HDAC9: variants seen among roughly 807,000 people sequenced by gnomAD.
HDAC9 encodes the protein histone deacetylase 9.
A neutral mutation model predicts 139.4 loss-of-function variants in HDAC9; 41 were observed. The observed-to-expected ratio is 0.29, with a 90% CI of 0.23 to 0.38. HDAC9 has a LOEUF of 0.38. Ranked by LOEUF, HDAC9 falls within the 10% of genes least tolerant of loss-of-function variation. HDAC9 has a pLI of 1.00. For synonymous variants in HDAC9, 517 were observed against 476.2 expected, an observed-to-expected ratio of 1.09 and a Z score of -1.12; for missense variants, 1,147 against 1,297.0, an observed-to-expected ratio of 0.88 and a Z score of 1.78.
At chr7:18,475,131 G>C (rs188735625) in intron 1 of HDAC9, among the ~76,000 whole-genome samples, 1 of 152,166 alleles carries the variant, frequency 6.6e-6, no homozygotes, top group Non-Finnish European at 1.5e-5. Context: ...AACAGAGCTC[G>C]GAAGGATCTT....
intron 1 of HDAC9, among the ~76,000 whole-genome samples, chr7:18,093,244 C>T (rs553857860): frequency 6.6e-6 from 1 of 152,186 alleles, no homozygotes; most frequent in African/African-American, 2.4e-5. Context: ...AGGCTAAATA[C>T]TTTGCCAAGG....
intron 21 of HDAC9, among the ~76,000 whole-genome samples, chr7:18,854,703 A>G (rs1001835139): frequency 6.6e-6 from 1 of 152,150 alleles, no homozygotes; most frequent in Admixed American, 6.6e-5. Context: ...AAAAAGTCTA[A>G]TAGAAGAGTA....
chr7:18,783,893 A>G (rs557672205), intron 16 of HDAC9, among the ~76,000 whole-genome samples: 1 of 152,146 alleles, frequency 6.6e-6, no homozygotes, highest in African/African-American at 2.4e-5. Flanking sequence ...ATACCATGCT[A>G]TCATTTCCTT....
At chr7:18,258,389 T>C (rs1584885765) in intron 2 of HDAC9, among the ~76,000 whole-genome samples, 2 of 152,310 alleles carry the variant, frequency 1.3e-5, no homozygotes, top group East Asian at 3.9e-4. Flanking sequence ...AAACGAATAC[T>C]GTTCTTTAGT....
At chr7:18,237,904 G>A (rs895742469) in intron 2 of HDAC9, among the ~76,000 whole-genome samples, 2 of 152,184 alleles carry the variant, frequency 1.3e-5, no homozygotes, top group African/African-American at 4.8e-5. Flanking sequence ...TCAGTAGGTA[G>A]GTGATCATCA....
chr7:18,317,750 T>G (rs1214759067), intron 1 of HDAC9, among the ~76,000 whole-genome samples: 1 of 152,150 alleles, frequency 6.6e-6, no homozygotes, highest in African/African-American at 2.4e-5. Context: ...CTTTCTACTT[T>G]GGGGAAAATC....
intron 2 of HDAC9, among the ~76,000 whole-genome samples, chr7:18,561,717 T>C (rs1268781370): frequency 1.3e-5 from 2 of 152,228 alleles, no homozygotes; most frequent in African/African-American, 4.8e-5. Context: ...CGCTTCTGAC[T>C]GCCTTCCTTT....
intron 9 of HDAC9, among the ~76,000 whole-genome samples, chr7:18,647,158 T>C (rs1482770754): frequency 6.6e-6 from 1 of 152,154 alleles, no homozygotes; most frequent in Non-Finnish European, 1.5e-5. Flanking sequence ...CATGATATAG[T>C]CTTTGAATAA....
intron 1 of HDAC9, among the ~76,000 whole-genome samples, chr7:18,421,396 G>A (rs948672193): frequency 2.0e-5 from 3 of 149,776 alleles, no homozygotes; most frequent in African/African-American, 4.9e-5. Flanking sequence ...AGAAAGGGAG[G>A]GAGGGAAGAA....
chr7:18,991,544 G>C (rs1785961689), intron 25 of HDAC9, among the ~76,000 whole-genome samples: 1 of 152,234 alleles, frequency 6.6e-6, no homozygotes, highest in African/African-American at 2.4e-5. Context: ...GGCTGAAGCA[G>C]GAGAATGGTG....
intron 1 of HDAC9, among the ~76,000 whole-genome samples, chr7:18,088,441 A>G (rs1781937277): frequency 6.6e-6 from 1 of 152,194 alleles, no homozygotes; most frequent in African/African-American, 2.4e-5. Flanking sequence ...AAATCTGGAA[A>G]AAGGGAGTAC....
At chr7:18,985,339 G>A (rs570959857) in intron 25 of HDAC9, among the ~76,000 whole-genome samples, 3 of 151,948 alleles carry the variant, frequency 2.0e-5, no homozygotes, top group African/African-American at 4.8e-5. Context: ...TTGTTCTTGC[G>A]ATAGTTTACT....
chr7:18,195,585 A>G (rs1584572255), intron 2 of HDAC9, among the ~76,000 whole-genome samples: 1 of 152,090 alleles, frequency 6.6e-6, no homozygotes, highest in Non-Finnish European at 1.5e-5. Context: ...AATTTCACCT[A>G]TACTCTAGGG....
At chr7:18,734,045 T>C (rs1786651927) in intron 13 of HDAC9, among the ~76,000 whole-genome samples, 1 of 152,236 alleles carries the variant, frequency 6.6e-6, no homozygotes, top group Non-Finnish European at 1.5e-5. Flanking sequence ...ATTTCACGTA[T>C]ACCTTGTTTT....
chr7:18,894,037 G>A (rs375328920), intron 22 of HDAC9, among the ~76,000 whole-genome samples: 6 of 152,254 alleles, frequency 3.9e-5, no homozygotes, highest in African/African-American at 1.4e-4. Flanking sequence ...TTATTTTAAA[G>A]GTGAGTGAAC....
At chr7:18,310,256 A>G (rs1348196735) in intron 1 of HDAC9, among the ~76,000 whole-genome samples, 3 of 152,170 alleles carry the variant, frequency 2.0e-5, no homozygotes, top group Non-Finnish European at 4.4e-5. Flanking sequence ...TGTTTTACGT[A>G]TCACAGAGTT....
chr7:18,362,778 ATAAGTAT>A (rs1783883838), intron 1 of HDAC9, among the ~76,000 whole-genome samples: 1 of 152,198 alleles, frequency 6.6e-6, no homozygotes, highest in African/African-American at 2.4e-5. Context: ...TATCTTAGCA[ATAAGTAT>A]TCATGAGTCT....
chr7:18,565,977 G>A (rs941299807), intron 2 of HDAC9, among the ~76,000 whole-genome samples: 11 of 151,890 alleles, frequency 7.2e-5, no homozygotes, highest in African/African-American at 2.7e-4. Context: ...CATAGGATCA[G>A]AATAATATTT....
intron 2 of HDAC9, among the ~76,000 whole-genome samples, chr7:18,167,339 A>G (rs559806225): frequency 4.9e-4 from 74 of 152,334 alleles, no homozygotes; most frequent in Admixed American, 2.8e-3. Flanking sequence ...TTTGAAGGAC[A>G]GTGCTTTAAT....
Sources: allele counts gnomAD v4.1 joint callset (sites outside exome capture counted in the v4.1 genomes callset), GRCh38; gene constraint gnomAD v4.1.1; transcripts MANE v1.5; gene names NCBI Gene and HGNC (gene_info 2026-07-23, HGNC 2026-07-21).